The following JPH3 variants were observed in gnomAD, a reference collection of about 807,000 sequenced individuals.
JPH3 encodes junctophilin 3.
Under a neutral mutation model 59.6 loss-of-function variants are expected in JPH3, and 11 were observed. The observed-to-expected ratio is 0.18, with a 90% CI of 0.12 to 0.31. The LOEUF (loss-of-function observed/expected upper bound fraction) is 0.31, where lower values mean the gene tolerates loss of function less well. Among genes scored for constraint, JPH3 ranks in the 10% least tolerant of loss-of-function variants. JPH3 has a pLI of 1.00. For synonymous variants in JPH3, 673 were observed against 483.6 expected (o/e 1.39, Z -5.14); for missense variants, 1,202 against 1,105.7 (o/e 1.09, Z -1.24).
chr16:87,673,078 G>A (rs1220215235), intron 2 of JPH3, among the ~76,000 whole-genome samples: 6 of 151,948 alleles, frequency 3.9e-5, no homozygotes, highest in South Asian at 2.1e-4. Context: ...CCCAGGAGGC[G>A]GAGGTTGCAG....
Position 87,636,256 on chromosome 16 carries a change from G to A in JPH3, c.383-8002G>A, listed in dbSNP as rs575144372. On this transcript the variant is annotated intron_variant, in intron 1 of 4. Transcript: ENST00000284262. ...CCTGGGGTGGGGTGGGGGCGGGGGC[G>A]TCCTGCATCTGCGCCGTTCAGCTCA... Among the ~76,000 whole-genome samples the A allele has an allele frequency of 5.2e-4, 79 of 152,340 alleles. 1 individual carries two copies. Among genetic ancestry groups the A allele is most frequent in the Middle Eastern group, 6.8e-3 (2 of 294 alleles).
Position 87,644,242 on chromosome 16 carries a change from C to A in JPH3, c.383-16C>A. 6.3e-7 allele frequency: 1 copy of A among 1,589,922 alleles called. No individual in the cohort carries two copies. The highest frequency in any genetic ancestry group is 8.6e-7 in the Non-Finnish European group (1 of 1,167,554). On this transcript the variant is annotated splice_polypyrimidine_tract_variant and intron_variant, in intron 1 of 4. Transcript: ENST00000284262. Reference sequence around the variant, plus strand: ...TCTGTCGCTGGGCACTCACCCCTCTCTCATTTTCTCCCCAGGGACCTACCA... The same window carrying A: ...TCTGTCGCTGGGCACTCACCCCTCTATCATTTTCTCCCCAGGGACCTACCA...
intron 1 of JPH3, among the ~76,000 whole-genome samples, chr16:87,633,343 C>G (rs2031625206): frequency 6.9e-6 from 1 of 144,076 alleles, no homozygotes; most frequent in Admixed American, 7.3e-5. Flanking sequence ...TATCTCCAAA[C>G]AAGGTGACAT....
At chr16:87,645,245 T>C (rs1403334733) in intron 2 of JPH3, among the ~76,000 whole-genome samples, 1 of 152,016 alleles carries the variant, frequency 6.6e-6, no homozygotes, top group Non-Finnish European at 1.5e-5. Flanking sequence ...AGAGGAATGG[T>C]TGATTTGTGG....
chr16:87,651,113 G>C (rs1479125070), intron 2 of JPH3, among the ~76,000 whole-genome samples: 1 of 152,226 alleles, frequency 6.6e-6, no homozygotes, highest in Admixed American at 6.5e-5. Context: ...CATAAGAATT[G>C]TGTAAAATCC....
chr16:87,657,057 G>C (rs944366174), intron 2 of JPH3, among the ~76,000 whole-genome samples: 1 of 152,046 alleles, frequency 6.6e-6, no homozygotes, highest in Non-Finnish European at 1.5e-5. Context: ...TCCACATATA[G>C]GCCCTTGTCA....
chr16:87,691,217 C>T (rs1359134197), intron 4 of JPH3, among the ~76,000 whole-genome samples: 2 of 148,716 alleles, frequency 1.3e-5, no homozygotes, highest in African/African-American at 4.9e-5. Flanking sequence ...GTCCTGGTGC[C>T]TCACACAGGG....
chr16:87,640,177 A>G (rs1321103512), intron 1 of JPH3, among the ~76,000 whole-genome samples: 2 of 151,760 alleles, frequency 1.3e-5, no homozygotes. Context: ...AAACAGAAAA[A>G]AATTAGCTGG....
chr16:87,690,067 C>G lies in JPH3; in HGVS notation c.1707C>G (p.Pro569=), dbSNP rs533405611. 6 of 1,578,644 alleles carry G rather than the reference C, an allele frequency of 3.8e-6. No individual in the cohort carries two copies. In the Admixed American group the frequency reaches 1.1e-4, roughly 28 times the overall value. ...RGSGRKQPGN[P]KPRERRTESP... is the part of the protein sequence containing the mutation. ...CGGGCCGCAAGCAGCCCGGGAACCCCAAGCCGCGGGAGCGGCGGACGGAGT... is the reference window on the plus strand; with the variant it reads ...CGGGCCGCAAGCAGCCCGGGAACCCGAAGCCGCGGGAGCGGCGGACGGAGT... The change falls in exon 4 of 5, where the codon CCC becomes CCG. Residue 569 remains proline, a synonymous_variant. Transcript: ENST00000284262.
At chr16:87,685,986 G>A (rs62053834) in intron 3 of JPH3, among the ~76,000 whole-genome samples, 39,322 of 152,078 alleles carry the variant, frequency 0.26, 5,349 homozygotes, top group Middle Eastern at 0.42. Context: ...CTAGATCCAC[G>A]CGGCGTCCTT....
At chr16:87,631,598 CTG>C (rs1207945319) in intron 1 of JPH3, among the ~76,000 whole-genome samples, 1 of 152,176 alleles carries the variant, frequency 6.6e-6, no homozygotes, top group African/African-American at 2.4e-5. Context: ...TGTGTGGTAT[CTG>C]TGAGCCCTCC....
In JPH3 at chr16:87,696,465, C is replaced by A. The variant is rs542985797; in HGVS notation, c.2167-115C>A. 32 of 830,482 alleles carry A rather than the reference C, an allele frequency of 3.9e-5. 1 individual carries two copies. The highest frequency in any genetic ancestry group is 3.4e-4 in the Middle Eastern group (1 of 2,906). 51.4% of individuals were successfully genotyped at this position (830,482 alleles called of 1,614,324 possible). A position where few individuals can be genotyped will look rare whatever the true frequency, so the allele number is the denominator to read the frequency against. ...CAAGCGTTTCTAACATCCTCCCGTA[C>A]GCTTCCACCCCCGAGGGTCTGCTAG... On this transcript the variant is annotated intron_variant, in intron 4 of 4. Transcript: ENST00000284262.
chr16:87,621,446 A>G (rs892933071), intron 1 of JPH3, among the ~76,000 whole-genome samples: 1 of 152,212 alleles, frequency 6.6e-6, no homozygotes, highest in Non-Finnish European at 1.5e-5. Flanking sequence ...ATCCAAGGCC[A>G]CAGGACTGGG....
chr16:87,684,973 G>T (rs1027857144), intron 3 of JPH3, among the ~76,000 whole-genome samples: 2 of 152,206 alleles, frequency 1.3e-5, no homozygotes, highest in African/African-American at 4.8e-5. Flanking sequence ...AGGCCCCAGA[G>T]AATGGGGTTA....
intron 2 of JPH3, among the ~76,000 whole-genome samples, chr16:87,646,306 G>A (rs1016420981): frequency 4.6e-5 from 7 of 152,196 alleles, no homozygotes; most frequent in Non-Finnish European, 1.5e-5. Context: ...TATGTTGCTC[G>A]CGACTTCTAT....
chr16:87,677,084 G>A (rs56188186), intron 2 of JPH3, among the ~76,000 whole-genome samples: 8,282 of 151,330 alleles, frequency 0.055, 350 homozygotes, highest in Non-Finnish European at 0.088. Context: ...GCGTGAACCC[G>A]GGAGGTGGAG....
chr16:87,690,467 T>G lies in JPH3; in HGVS notation c.2107T>G (p.Ser703Ala). The change falls in exon 4 of 5, where the codon TCC becomes GCC. Residue 703 changes from serine to alanine, a missense_variant. Coordinates refer to ENST00000284262, the MANE Select transcript of JPH3 (RefSeq NM_020655.4). ...CTTGACCTTCTCCCCGCCCCAGAAATCCTTGCCTGTCGCTCTAGAGTCCGA... is the reference window on the plus strand; with the variant it reads ...CTTGACCTTCTCCCCGCCCCAGAAAGCCTTGCCTGTCGCTCTAGAGTCCGA... ...WDLTFSPPQK[S>A]LPVALESDEE... 1 of 1,486,994 alleles carries G rather than the reference T, an allele frequency of 6.7e-7. No individual in the cohort carries two copies. Among genetic ancestry groups the G allele is most frequent in the African/African-American group, 1.4e-5 (1 of 70,796 alleles). 92.1% of individuals were successfully genotyped at this position (1,486,994 alleles called of 1,614,324 possible).
At chr16:87,650,180 G>A (rs559371450) in intron 2 of JPH3, among the ~76,000 whole-genome samples, 1 of 152,224 alleles carries the variant, frequency 6.6e-6, no homozygotes, top group Non-Finnish European at 1.5e-5. Flanking sequence ...TCGTGTGTCC[G>A]TGCCACACTT....
At chr16:87,642,003 G>C (rs530427984) in intron 1 of JPH3, among the ~76,000 whole-genome samples, 2 of 152,320 alleles carry the variant, frequency 1.3e-5, no homozygotes, top group African/African-American at 4.8e-5. Flanking sequence ...GGCTGGCTTG[G>C]AGCCCATGGG....
Sources: gnomAD v4.1 joint callset for allele counts (sites outside exome capture counted in the v4.1 genomes callset) on GRCh38, gnomAD v4.1.1 for gene constraint, MANE v1.5 for transcripts, NCBI Gene and HGNC (gene_info 2026-07-23, HGNC 2026-07-21) for gene names.